The following WDFY4 variants were observed in gnomAD, a reference collection of about 807,000 sequenced individuals.
The protein encoded by WDFY4 is WD repeat- and FYVE domain-containing protein 4.
In WDFY4, 169 loss-of-function variants were observed where a neutral mutation model predicts 351.9. The observed-to-expected ratio is 0.48, with a 90% confidence interval of 0.42 to 0.55. The LOEUF is 0.55. WDFY4 is among the 20% of genes least tolerant of loss of function. The pLI, the probability that WDFY4 is intolerant of heterozygous loss-of-function variation, is 0.00. For synonymous variants in WDFY4, 1,622 were observed against 1,574.6 expected (o/e 1.03, Z -0.71); for missense variants, 3,803 against 3,935.6 (o/e 0.97, Z 0.90).
chr10:48,693,140 G>A (rs1439269437), intron 1 of WDFY4, among the ~76,000 whole-genome samples: 10 of 152,188 alleles, frequency 6.6e-5, no homozygotes, highest in Non-Finnish European at 1.5e-4. Context: ...GGCAAGGAGG[G>A]GGTTGAGTCC....
At chr10:48,874,200 C>G (rs74130679) in intron 41 of WDFY4, among the ~76,000 whole-genome samples, 111 of 152,338 alleles carry the variant, frequency 7.3e-4, no homozygotes, top group African/African-American at 2.6e-3. Flanking sequence ...CCACTCATTC[C>G]AAACAACATT....
At chr10:48,935,318 A>C (rs2133712470) in intron 47 of WDFY4, 1 of 152,226 alleles carries the variant, frequency 6.6e-6, no homozygotes, top group Non-Finnish European at 1.5e-5. Flanking sequence ...TCTCTAAGAC[A>C]CTCTAATTTC....
chr10:48,717,727 C>T (rs1041380675), intron 2 of WDFY4, among the ~76,000 whole-genome samples: 1 of 152,194 alleles, frequency 6.6e-6, no homozygotes, highest in East Asian at 1.9e-4. Flanking sequence ...CATGTTGATG[C>T]ATCTAGCTCC....
At position 48,830,786 on chromosome 10, in the gene WDFY4, A is replaced by T; in HGVS notation, c.6427A>T (p.Ile2143Phe). 6.4e-7 allele frequency: 1 copy of T among 1,551,604 alleles called. No homozygotes were observed. Among genetic ancestry groups the T allele is most frequent in the East Asian group, 2.4e-5 (1 of 40,914 alleles). ...RQQTLEDAFKIDLSVKPGERE... is the reference protein window; with the variant it reads ...RQQTLEDAFKFDLSVKPGERE... ...GCAGACCCTGGAGGATGCCTTCAAGATCGATCTCTCTGTGAAACCTGGAGA... is the reference window on the plus strand; with the variant it reads ...GCAGACCCTGGAGGATGCCTTCAAGTTCGATCTCTCTGTGAAACCTGGAGA... Residue 2143 changes from isoleucine (I) to phenylalanine (F), a missense_variant, in exon 38 of 62, where the codon ATC becomes TTC. By Grantham distance (21) the Ile-to-Phe change is conservative (BLOSUM62 0). Transcript: ENST00000325239.
chr10:48,714,392 A>G (rs2063843657), intron 2 of WDFY4, among the ~76,000 whole-genome samples: 1 of 152,222 alleles, frequency 6.6e-6, no homozygotes, highest in Admixed American at 6.5e-5. Flanking sequence ...GATGTTGCAG[A>G]TAAGGAGGAA....
In WDFY4 at chr10:48,966,545, C is replaced by T. The variant is rs760174476; in HGVS notation, c.8456C>T (p.Pro2819Leu). Residue 2819 changes from proline to leucine, a missense_variant, in exon 55 of 62, where the codon CCA becomes CTA. Transcript: ENST00000325239. ...VPKQLFTKPH[P>L]ARTAAGKPLP... The stretch of plus-strand genomic sequence containing the variant: ...CTCTAGCTCTTTACCAAACCTCACC[C>T]AGCCAGGACTGCAGCAGGGAAGCCT... 1 of 1,552,088 alleles carries T rather than the reference C, an allele frequency of 6.4e-7. No individual in the cohort carries two copies. The highest frequency in any genetic ancestry group is 1.2e-5 in the South Asian group (1 of 84,038).
chr10:48,867,210 A>G, intron 39 of WDFY4, 55 bp from the exon 40 acceptor site: 1 of 774,850 alleles, frequency 1.3e-6, no homozygotes, highest in Non-Finnish European at 1.8e-6. Context: ...ATAAAATAAA[A>G]TAAAATAAAA....
chr10:48,703,833 G>A (rs979411157), intron 1 of WDFY4, among the ~76,000 whole-genome samples: 19 of 152,232 alleles, frequency 1.2e-4, no homozygotes, highest in Admixed American at 7.8e-4. Flanking sequence ...AATGCCTGGT[G>A]TGGGTTGTTA....
intron 13 of WDFY4, among the ~76,000 whole-genome samples, chr10:48,767,116 C>A (rs934568690): frequency 6.6e-6 from 1 of 152,188 alleles, no homozygotes; most frequent in Non-Finnish European, 1.5e-5. Flanking sequence ...AATCATGAGC[C>A]TTGGAGTAAG....
At chr10:48,820,491 C>T (rs1392713995) in intron 33 of WDFY4, 54 bp downstream of exon 33, 20 of 1,526,456 alleles carry the variant, frequency 1.3e-5, no homozygotes, top group Non-Finnish European at 1.6e-5. Context: ...GCCGGCATAC[C>T]GGCACTGCAA....
intron 12 of WDFY4, among the ~76,000 whole-genome samples, chr10:48,757,810 A>C (rs2065381248): frequency 6.6e-6 from 1 of 151,902 alleles, no homozygotes; most frequent in Admixed American, 6.6e-5. Flanking sequence ...ATACTTAATT[A>C]ACTTTTAACA....
chr10:48,829,237 T>C (rs2068108689), intron 37 of WDFY4, among the ~76,000 whole-genome samples: 1 of 152,112 alleles, frequency 6.6e-6, no homozygotes, highest in South Asian at 2.1e-4. Flanking sequence ...CTACGGTAAA[T>C]TAAAACTGTC....
chr10:48,790,227 C>G (rs61838440), intron 22 of WDFY4, among the ~76,000 whole-genome samples: 7,728 of 152,312 alleles, frequency 0.051, 246 homozygotes, highest in Middle Eastern at 0.082. Context: ...AGGCTGCTGT[C>G]TGTGACGACA....
chr10:48,959,683 T>G, intron 52 of WDFY4, 39 bp from the exon 53 acceptor site: 264 of 1,534,616 alleles, frequency 1.7e-4, no homozygotes, highest in Non-Finnish European at 2.1e-4. Flanking sequence ...TAGCCTGATT[T>G]GAGTTACCCA....
At chr10:48,709,620 G>A in intron 1 of WDFY4, 96 bp from the exon 2 acceptor site, 1 of 1,074,724 alleles carries the variant, frequency 9.3e-7, no homozygotes, top group Non-Finnish European at 1.3e-6. Flanking sequence ...ATTTTCAATA[G>A]AAACTGGGCT....
chr10:48,755,999 A>G (rs934640145), intron 12 of WDFY4, among the ~76,000 whole-genome samples: 2 of 152,080 alleles, frequency 1.3e-5, no homozygotes, highest in African/African-American at 2.4e-5. Flanking sequence ...TGTAAAATGA[A>G]TTGGGAAGTG....
chr10:48,848,709 G>A (rs1339806451), intron 39 of WDFY4, among the ~76,000 whole-genome samples: 1 of 152,202 alleles, frequency 6.6e-6, no homozygotes, highest in Admixed American at 6.5e-5. Context: ...GATTTTGGCG[G>A]GCTGGTGGGG....
In WDFY4 at chr10:48,820,186, G is replaced by A. The variant is rs146284612; in HGVS notation, c.5506-48G>A. 8.2e-4 allele frequency: 1,268 copies of A among 1,544,272 alleles called. 6 individuals are homozygous for A. In the African/African-American group the frequency reaches 0.015, roughly 18 times the overall value. On this transcript the variant is annotated intron_variant, in intron 32 of 61. Transcript: ENST00000325239. ...ACATGGCACAGGTTGGTGGGAAAGA[G>A]CTTGAGGCAGGGCAGGCCACTCATG...
At chr10:48,946,194 T>C in intron 50 of WDFY4, 37 bp downstream of exon 50, 1 of 1,432,598 alleles carries the variant, frequency 7.0e-7, no homozygotes, top group Non-Finnish European at 9.6e-7. Context: ...TGCAGTGTTA[T>C]TCATCGGGAT....
Sources: allele counts gnomAD v4.1 joint callset (sites outside exome capture counted in the v4.1 genomes callset), GRCh38; gene constraint gnomAD v4.1.1; transcripts MANE v1.5; gene names NCBI Gene and HGNC (gene_info 2026-07-23, HGNC 2026-07-21).